TALDO1: variants seen among roughly 807,000 people sequenced by gnomAD.
TALDO1 encodes transaldolase 1.
In TALDO1, 29 loss-of-function variants were observed where a neutral mutation model predicts 38.1. The observed-to-expected ratio is 0.76, with a 90% CI of 0.57 to 1.04. The LOEUF is 1.04. TALDO1 is among the 50% of genes least tolerant of loss of function. TALDO1 has a pLI of 0.00. For synonymous variants in TALDO1, 207 were observed against 176.8 expected, an observed-to-expected ratio of 1.17 and a Z score of -1.36; for missense variants, 499 against 438.1, an observed-to-expected ratio of 1.14 and a Z score of -1.24.
chr11:760,214 T>C lies in TALDO1; in HGVS notation c.422T>C (p.Ile141Thr), dbSNP rs775546210. 1.5e-5 allele frequency: 25 copies of C among 1,614,098 alleles called. No homozygotes were observed. The highest frequency in any genetic ancestry group is 1.9e-5 in the Non-Finnish European group (23 of 1,180,044). The change falls in exon 4 of 8, where the codon ATA (isoleucine) becomes ACA (threonine). Residue 141 changes from isoleucine (I) to threonine (T), a missense_variant. Coordinates refer to ENST00000319006, the MANE Select transcript of TALDO1 (RefSeq NM_006755.2). ...GGGATCAGCAAGGACCGAATTCTTA[T>C]AAAGCTGTCATCAACCTGGGAAGGA... is the stretch of plus-strand genomic sequence containing the variant. ...EAGISKDRIL[I>T]KLSSTWEGIQ...
chr11:759,283 A>G (rs1862892882), intron 3 of TALDO1, among the ~76,000 whole-genome samples: 1 of 152,010 alleles, frequency 6.6e-6, no homozygotes, highest in Non-Finnish European at 1.5e-5. Context: ...TATTTTTGAG[A>G]TGGAGTCTCG....
At chr11:763,140 G>A (rs908388596) in intron 4 of TALDO1, among the ~76,000 whole-genome samples, 7 of 147,768 alleles carry the variant, frequency 4.7e-5, no homozygotes, top group Non-Finnish European at 9.2e-5. Context: ...GCCCGTGAGC[G>A]TCTTTGGCAG....
chr11:749,401 CAAAAA>C (rs374829411), intron 1 of TALDO1, among the ~76,000 whole-genome samples: 4 of 110,848 alleles, frequency 3.6e-5, no homozygotes, highest in Admixed American at 1.1e-4. Flanking sequence ...AACTCCGTCT[CAAAAA>C]AAAAAAAAAA....
intron 3 of TALDO1, among the ~76,000 whole-genome samples, chr11:759,579 A>C (rs1862897165): frequency 6.8e-6 from 1 of 146,558 alleles, no homozygotes. Context: ...TTTTGTTTTG[A>C]TTTGTTTTGT....
chr11:759,017 A>T lies in TALDO1; in HGVS notation c.289A>T (p.Lys97Ter). The T allele has an allele frequency of 6.2e-7, 1 of 1,613,230 alleles. No individual in the cohort carries two copies. ...LFVLFGAEIL[K>*]KIPGRVSTEV... ...TGTGTTGTTTGGAGCAGAAATACTA[A>T]AGAAGATTCCGGGCCGAGTATCCAC... The change falls in exon 3 of 8, where the codon AAG (lysine) becomes TAG (stop). Residue 97 changes from lysine to a stop codon, truncating the protein, a stop_gained. Transcript: ENST00000319006. LOFTEE classifies it high-confidence loss of function.
In TALDO1 at chr11:763,343, G is replaced by C; in HGVS notation, c.462-1G>C. On this transcript the variant is annotated splice_acceptor_variant, in intron 4 of 7. Transcript: ENST00000319006. LOFTEE classifies it high-confidence loss of function. ...CGCCCTCACCTGTCCCCGCCCCGCA[G>C]GGAGCTCGAGGAGCAGCACGGCATC... The C allele has an allele frequency of 6.4e-7, 1 of 1,563,372 alleles. No homozygotes were observed. The highest frequency in any genetic ancestry group is 8.7e-7 in the Non-Finnish European group (1 of 1,151,248).
intron 4 of TALDO1, among the ~76,000 whole-genome samples, chr11:762,119 C>T (rs1862935301): frequency 6.6e-6 from 1 of 152,092 alleles, no homozygotes; most frequent in South Asian, 2.1e-4. Flanking sequence ...GCAGGCGCCA[C>T]CACTCCCGCC....
intron 1 of TALDO1, among the ~76,000 whole-genome samples, chr11:751,120 G>A (rs942798095): frequency 5.3e-5 from 8 of 151,982 alleles, no homozygotes; most frequent in African/African-American, 1.5e-4. Context: ...GTGCAATCAC[G>A]TGGTGCAACA....
At chr11:750,600 C>G (rs559265131) in intron 1 of TALDO1, among the ~76,000 whole-genome samples, 92 of 151,996 alleles carry the variant, frequency 6.1e-4, no homozygotes, top group African/African-American at 2.1e-3. Context: ...CGAGGCAGGC[C>G]GATCATGAGG....
At chr11:758,085 C>T (rs1031775188) in intron 2 of TALDO1, among the ~76,000 whole-genome samples, 1 of 152,194 alleles carries the variant, frequency 6.6e-6, no homozygotes, top group African/African-American at 2.4e-5. Flanking sequence ...AGATCGAGAC[C>T]ATCCTGGCTA....
intron 1 of TALDO1, among the ~76,000 whole-genome samples, chr11:749,889 TTGTCA>T (rs1862722538): frequency 1.3e-5 from 2 of 152,202 alleles, no homozygotes; most frequent in African/African-American, 4.8e-5. Context: ...TTTTCTTAAC[TTGTCA>T]TGTTGAAATG....
intron 7 of TALDO1, 131 bp downstream of exon 7, chr11:764,564 G>C: frequency 1.4e-6 from 2 of 1,477,506 alleles, no homozygotes; most frequent in Non-Finnish European, 1.8e-6. Context: ...TGTCCAGCAA[G>C]TGGGGCCTGT....
intron 2 of TALDO1, 135 bp downstream of exon 2, chr11:756,137 T>C (rs1317036131): frequency 7.7e-7 from 1 of 1,303,614 alleles, no homozygotes; most frequent in African/African-American, 1.5e-5. Context: ...TCTTTTTGCC[T>C]ATTTTTGTTT....
chr11:764,876 A>G lies in TALDO1; in HGVS notation c.*31A>G, dbSNP rs1863023016. ...CCCTGAGGCTGGACTCCAGATCTGC[A>G]CCGCCGGCCAGCTGGGATCTGACTG... On this transcript the variant is annotated 3_prime_UTR_variant, in exon 8 of 8. Coordinates refer to ENST00000319006, the MANE Select transcript of TALDO1 (RefSeq NM_006755.2). The G allele has an allele frequency of 1.2e-6, 2 of 1,613,828 alleles. No homozygotes were observed. The highest frequency in any genetic ancestry group is 1.3e-5 in the African/African-American group (1 of 75,064).
chr11:764,109 A>T (rs951157500), intron 6 of TALDO1, 165 bp downstream of exon 6: 6 of 1,352,732 alleles, frequency 4.4e-6, no homozygotes, highest in East Asian at 2.4e-5. Context: ...AACACATCTC[A>T]CTCAAGTCAT....
intron 4 of TALDO1, among the ~76,000 whole-genome samples, chr11:762,611 G>A (rs572027092): frequency 6.6e-6 from 1 of 152,292 alleles, no homozygotes; most frequent in East Asian, 1.9e-4. Flanking sequence ...GAACACCCCC[G>A]TGTGGCCATG....
At chr11:760,550 C>T (rs780729022) in intron 4 of TALDO1, 14 of 419,026 alleles carry the variant, frequency 3.3e-5, no homozygotes, top group Non-Finnish European at 4.9e-5. Flanking sequence ...TTCTGTCCTT[C>T]CTCTGTCCTG....
chr11:756,041 C>G, intron 2 of TALDO1, 39 bp downstream of exon 2: 1 of 1,601,066 alleles, frequency 6.2e-7, no homozygotes, highest in South Asian at 1.1e-5. Flanking sequence ...GCTAGGCCCT[C>G]GTGCTAGTCT....
At chr11:747,653 C>G in intron 1 of TALDO1, 75 bp downstream of exon 1, 1 of 1,332,476 alleles carries the variant, frequency 7.5e-7, no homozygotes. Flanking sequence ...CCCCGGGTCT[C>G]CCGTTCCGGG....
Sources: allele counts gnomAD v4.1 joint callset (sites outside exome capture counted in the v4.1 genomes callset), GRCh38; gene constraint gnomAD v4.1.1; transcripts MANE v1.5; gene names NCBI Gene and HGNC (gene_info 2026-07-23, HGNC 2026-07-21).